The following USH2A variants were observed in gnomAD, a reference collection of about 807,000 sequenced individuals.
USH2A encodes usherin.
A neutral mutation model predicts 538.9 loss-of-function variants in USH2A; 443 were observed. The observed-to-expected ratio is 0.82, with a 90% CI of 0.76 to 0.89. The LOEUF (loss-of-function observed/expected upper bound fraction) is 0.89, where lower values mean the gene tolerates loss of function less well. Among genes scored for constraint, USH2A ranks in the 40% least tolerant of loss-of-function variants. The pLI is 0.00. For synonymous variants in USH2A, 2,413 were observed against 2,273.5 expected, an observed-to-expected ratio of 1.06 and a Z score of -1.75; for missense variants, 6,633 against 6,324.8, an observed-to-expected ratio of 1.05 and a Z score of -1.65.
intron 20 of USH2A, among the ~76,000 whole-genome samples, chr1:216,175,936 G>A (rs2034373312): frequency 6.6e-6 from 1 of 152,098 alleles, no homozygotes; most frequent in Non-Finnish European, 1.5e-5. Flanking sequence ...TCACCCAGGA[G>A]CCACAGGATC....
At chr1:215,656,948 C>T (rs1046984202) in intron 64 of USH2A, among the ~76,000 whole-genome samples, 12 of 152,162 alleles carry the variant, frequency 7.9e-5, no homozygotes, top group South Asian at 4.1e-4. Context: ...TGTATGTTAA[C>T]GGGCAAACAA....
In USH2A at chr1:216,073,253, C is replaced by A. The variant is rs200923150; in HGVS notation, c.5620G>T (p.Val1874Phe). Residue 1874 changes from valine to phenylalanine, a missense_variant, in exon 28 of 72, where the codon GTT becomes TTT. Transcript: ENST00000307340. ...CCGCTGGACACAGATGCCAAGTTAA[C>A]GACAGCACCCCGTGTAAATTTAACA... ...KDVKFTRGAV[V>F]NLASVSSGAV... The A allele has an allele frequency of 2.5e-5, 41 of 1,613,810 alleles. No homozygotes were observed. The highest frequency in any genetic ancestry group is 8.5e-7 in the Non-Finnish European group (1 of 1,179,894).
chr1:215,966,273 G>A (rs1355632124), intron 36 of USH2A, among the ~76,000 whole-genome samples: 2 of 152,096 alleles, frequency 1.3e-5, no homozygotes, highest in African/African-American at 4.8e-5. Context: ...GATGTAGTTG[G>A]CAAGAAAGTA....
chr1:216,047,133 A>AT lies in USH2A; in HGVS notation c.6164-542dup, dbSNP rs201288944. Among the ~76,000 whole-genome samples, 1,316 of 152,124 alleles carry AT rather than the reference A, an allele frequency of 8.7e-3. 22 individuals carry two copies. The highest frequency in any genetic ancestry group is 0.03 in the African/African-American group (1,257 of 41,510). On this transcript the variant is annotated intron_variant, in intron 31 of 71. Transcript: ENST00000307340. ...AATTGGGGGGTCCTAAGAACTAAAC[A>AT]TTTTTTTTAAATTTTCCTAAACTCC...
intron 37 of USH2A, among the ~76,000 whole-genome samples, chr1:215,955,193 C>G (rs925660827): frequency 1.3e-5 from 2 of 152,150 alleles, no homozygotes; most frequent in African/African-American, 4.8e-5. Context: ...CTTCAGCACA[C>G]AGACCATGCT....
chr1:215,738,452 A>C (rs1660213547), intron 60 of USH2A, among the ~76,000 whole-genome samples: 1 of 152,106 alleles, frequency 6.6e-6, no homozygotes, highest in Non-Finnish European at 1.5e-5. Flanking sequence ...TGTTCTTACT[A>C]GGTTATTTTG....
Position 215,870,458 on chromosome 1 carries a change from C to CTTTTT in USH2A, c.8682-3293_8682-3289dup, listed in dbSNP as rs10689595. Among the ~76,000 whole-genome samples, 1,034 of 123,068 alleles carry CTTTTT rather than the reference C, an allele frequency of 8.4e-3. 19 individuals are homozygous for CTTTTT. Among genetic ancestry groups the CTTTTT allele is most frequent in the African/African-American group, 0.03 (947 of 31,958 alleles). 80.7% of individuals were successfully genotyped at this position (123,068 alleles called of 152,430 possible). On this transcript the variant is annotated intron_variant, in intron 43 of 71. Transcript: ENST00000307340. ...TACAGGTGTCAGCCACCACTCCTAG[C>CTTTTT]TTTTTTTTTTTTTTTTTTAGTAGAG...
At chr1:215,744,211 C>T (rs1232066153) in intron 58 of USH2A, among the ~76,000 whole-genome samples, 1 of 152,130 alleles carries the variant, frequency 6.6e-6, no homozygotes, top group East Asian at 1.9e-4. Flanking sequence ...AGAGAATTCC[C>T]AGTGCATTAA....
chr1:215,963,551 A>G (rs79687888), intron 37 of USH2A, among the ~76,000 whole-genome samples: 506 of 152,244 alleles, frequency 3.3e-3, no homozygotes, highest in Non-Finnish European at 3.7e-3. Context: ...CATCTCATTT[A>G]TAAGACCAGG....
chr1:215,640,745 A>T lies in USH2A; in HGVS notation c.14792-11T>A, dbSNP rs755947019. ...CTCGGTACTGAGGCACTGTGGGGAG[A>T]AAGTTGTATGTTCTAAAAAGGGTAA... On this transcript the variant is annotated splice_polypyrimidine_tract_variant and intron_variant, in intron 67 of 71. Coordinates refer to ENST00000307340, the MANE Select transcript of USH2A (RefSeq NM_206933.4). 1.9e-6 allele frequency: 3 copies of T among 1,613,044 alleles called. No individual in the cohort carries two copies. Among genetic ancestry groups the T allele is most frequent in the Non-Finnish European group, 2.5e-6 (3 of 1,179,776 alleles).
chr1:215,986,206 G>A (rs1007149119), intron 35 of USH2A, among the ~76,000 whole-genome samples: 5 of 151,858 alleles, frequency 3.3e-5, no homozygotes, highest in Admixed American at 6.6e-5. Context: ...TGCAAACCCT[G>A]CCTCCCACGT....
chr1:216,090,837 C>T (rs535181617), intron 22 of USH2A, among the ~76,000 whole-genome samples: 1 of 152,042 alleles, frequency 6.6e-6, no homozygotes, highest in East Asian at 1.9e-4. Context: ...CTTAGCATAC[C>T]CTTGCTAATG....
intron 70 of USH2A, among the ~76,000 whole-genome samples, chr1:215,632,371 A>G (rs1457159907): frequency 6.6e-6 from 1 of 152,122 alleles, no homozygotes; most frequent in Non-Finnish European, 1.5e-5. Context: ...GACTCATTAA[A>G]ACCCTGAGCA....
At chr1:215,814,124 G>T (rs1010966667) in intron 48 of USH2A, among the ~76,000 whole-genome samples, 2 of 148,674 alleles carry the variant, frequency 1.3e-5, no homozygotes, top group African/African-American at 2.5e-5. Flanking sequence ...ACCATGCTTT[G>T]TGCTCTATTA....
At chr1:215,697,810 C>T (rs945037435) in intron 61 of USH2A, among the ~76,000 whole-genome samples, 2 of 152,142 alleles carry the variant, frequency 1.3e-5, no homozygotes, top group African/African-American at 4.8e-5. Flanking sequence ...CATGATCCAC[C>T]ACACCCAGGC....
At chr1:215,987,615 C>T (rs1054281918) in intron 35 of USH2A, among the ~76,000 whole-genome samples, 1 of 152,152 alleles carries the variant, frequency 6.6e-6, no homozygotes, top group Admixed American at 6.5e-5. Context: ...AGGTGTGAAT[C>T]AAGTGATAAT....
At chr1:215,672,642 A>G (rs2066405) in intron 63 of USH2A, among the ~76,000 whole-genome samples, 94,691 of 152,074 alleles carry the variant, frequency 0.62, 31,385 homozygotes, top group South Asian at 0.74. Context: ...ACTTTCCCAG[A>G]CTATTTCTTC....
At chr1:215,761,080 C>A (rs969709134) in intron 56 of USH2A, among the ~76,000 whole-genome samples, 1 of 152,302 alleles carries the variant, frequency 6.6e-6, no homozygotes, top group Non-Finnish European at 1.5e-5. Context: ...GTGGCCATAC[C>A]AGATTCCTTT....
At chr1:215,867,931 C>A (rs1664522423) in intron 43 of USH2A, among the ~76,000 whole-genome samples, 1 of 152,116 alleles carries the variant, frequency 6.6e-6, no homozygotes, top group African/African-American at 2.4e-5. Flanking sequence ...GACCATCAGG[C>A]TTCCTTTGCT....
Sources: gnomAD v4.1 joint callset for allele counts (sites outside exome capture counted in the v4.1 genomes callset) on GRCh38, gnomAD v4.1.1 for gene constraint, MANE v1.5 for transcripts, NCBI Gene and HGNC (gene_info 2026-07-23, HGNC 2026-07-21) for gene names.